CARMIL1: variants seen among roughly 807,000 people sequenced by gnomAD.
CARMIL1 encodes the protein F-actin-uncapping protein LRRC16A.
A neutral mutation model predicts 177.1 loss-of-function variants in CARMIL1; 90 were observed. The ratio of observed to expected loss-of-function variants is 0.51; its 90% CI spans 0.43 to 0.61. The LOEUF is 0.61. Ranked by LOEUF, CARMIL1 falls within the 20% of genes least tolerant of loss-of-function variation. CARMIL1 has a pLI of 0.00. For synonymous variants in CARMIL1, 577 were observed against 606.2 expected (o/e 0.95, Z 0.71); for missense variants, 1,380 against 1,667.0 (o/e 0.83, Z 3.00).
intron 2 of CARMIL1, among the ~76,000 whole-genome samples, chr6:25,361,876 G>A (rs1353803573): frequency 6.6e-6 from 1 of 151,868 alleles, no homozygotes; most frequent in Non-Finnish European, 1.5e-5. Context: ...GAAGGCCCTC[G>A]CCAGATGCAG....
intron 36 of CARMIL1, among the ~76,000 whole-genome samples, chr6:25,618,777 A>G (rs936221884): frequency 2.0e-5 from 3 of 152,244 alleles, no homozygotes; most frequent in Admixed American, 6.5e-5. Context: ...AGAGCAGGCA[A>G]CAATAATGGT....
chr6:25,480,654 T>A (rs1582095974), intron 11 of CARMIL1, among the ~76,000 whole-genome samples: 1 of 106,094 alleles, frequency 9.4e-6, no homozygotes, highest in African/African-American at 3.7e-5. Flanking sequence ...ATTTAAATTA[T>A]TTATATTTAA....
In CARMIL1 at chr6:25,473,096, C is replaced by A. The variant is rs921120641; in HGVS notation, c.874+575C>A. 2.0e-5 allele frequency among the ~76,000 whole-genome samples: 3 copies of A among 152,264 alleles called. No individual in the cohort carries two copies. The East Asian group carries it at 5.8e-4, about 29-fold the overall frequency. On this transcript the variant is annotated intron_variant, in intron 11 of 36. Coordinates refer to ENST00000329474, the MANE Select transcript of CARMIL1 (RefSeq NM_017640.6). ...CCTAGAATGGTTCTTGCCATGTGAC[C>A]CCCCTATCTCACAACACAGAAGTTT... is the stretch of plus-strand genomic sequence containing the variant.
intron 23 of CARMIL1, among the ~76,000 whole-genome samples, chr6:25,525,352 C>A (rs919310385): frequency 3.3e-5 from 5 of 152,064 alleles, no homozygotes; most frequent in Non-Finnish European, 7.4e-5. Context: ...ATGCAAAAAA[C>A]CCCCAGCAGC....
intron 11 of CARMIL1, among the ~76,000 whole-genome samples, chr6:25,474,012 C>G (rs1582074278): frequency 6.6e-6 from 1 of 152,130 alleles, no homozygotes; most frequent in East Asian, 1.9e-4. Context: ...TGGTTTATCT[C>G]TAGTGGGACT....
intron 9 of CARMIL1, among the ~76,000 whole-genome samples, chr6:25,466,807 A>G (rs1425662066): frequency 6.6e-6 from 1 of 152,174 alleles, no homozygotes; most frequent in African/African-American, 2.4e-5. Flanking sequence ...CATTATAAGT[A>G]TGAAAATGGA....
chr6:25,498,564 T>G (rs554589915), intron 16 of CARMIL1, among the ~76,000 whole-genome samples: 1 of 152,346 alleles, frequency 6.6e-6, no homozygotes, highest in Non-Finnish European at 1.5e-5. Context: ...TAGGAAGTAT[T>G]TTCCTTCCAT....
intron 2 of CARMIL1, among the ~76,000 whole-genome samples, chr6:25,402,588 G>A (rs904640540): frequency 1.1e-4 from 17 of 152,282 alleles, no homozygotes; most frequent in African/African-American, 4.1e-4. Flanking sequence ...ATGTTTTACT[G>A]TGTAGTGATT....
In CARMIL1 at chr6:25,577,110, C is replaced by A; in HGVS notation, c.2743-3814C>A. On this transcript the variant is annotated intron_variant, in intron 29 of 36. Coordinates refer to ENST00000329474, the MANE Select transcript of CARMIL1 (RefSeq NM_017640.6). The surrounding 1 kb of genome is among the most constrained non-coding windows in gnomAD (Gnocchi z 4.5). ...AGGAGACTGTAGTGTTGTCATCCAT[C>A]TGCAGATCCTGAATGAAATAGGCAA... 1.0e-6 allele frequency: 1 copy of A among 985,344 alleles called. No individual in the cohort carries two copies. Among genetic ancestry groups the A allele is most frequent in the Non-Finnish European group, 1.2e-6 (1 of 829,908 alleles). 61.0% of individuals were successfully genotyped at this position (985,344 alleles called of 1,614,324 possible).
intron 34 of CARMIL1, 43 bp from the exon 35 acceptor site, chr6:25,606,018 C>G (rs1815930686): frequency 1.3e-5 from 18 of 1,438,664 alleles, no homozygotes; most frequent in Non-Finnish European, 1.7e-5. Flanking sequence ...AAGTTATTGG[C>G]TTCTTTGACC....
chr6:25,447,812 G>T (rs1241895621), intron 5 of CARMIL1, among the ~76,000 whole-genome samples: 1 of 151,982 alleles, frequency 6.6e-6, no homozygotes, highest in African/African-American at 2.4e-5. Context: ...GGGTGGCTTG[G>T]CTTTCTCTTC....
chr6:25,304,436 TG>T (rs1238346656), intron 2 of CARMIL1, among the ~76,000 whole-genome samples: 2 of 152,012 alleles, frequency 1.3e-5, no homozygotes, highest in East Asian at 3.9e-4. Flanking sequence ...ACAGACCGAG[TG>T]GGTAGGGGGA....
chr6:25,539,440 T>G (rs574015165), intron 25 of CARMIL1, among the ~76,000 whole-genome samples: 2 of 151,960 alleles, frequency 1.3e-5, no homozygotes, highest in South Asian at 2.1e-4. Flanking sequence ...GCAGCTCAAC[T>G]TTCATACCCC....
intron 15 of CARMIL1, among the ~76,000 whole-genome samples, chr6:25,494,403 C>G (rs1364903497): frequency 2.0e-5 from 3 of 152,158 alleles, no homozygotes; most frequent in African/African-American, 7.2e-5. Flanking sequence ...ATCTTGGACT[C>G]CTGAATCCTG....
At chr6:25,411,661 A>G (rs1309897333) in intron 2 of CARMIL1, among the ~76,000 whole-genome samples, 1 of 152,178 alleles carries the variant, frequency 6.6e-6, no homozygotes, top group Non-Finnish European at 1.5e-5. Context: ...GCTGTATGTA[A>G]ACATTCCATT....
rs35230144 is a variant in CARMIL1, at chr6:25,515,785, C to T, written c.1743C>T (p.Asn581=). 1.5e-5 allele frequency: 24 copies of T among 1,611,948 alleles called. No individual in the cohort carries two copies. Among genetic ancestry groups the T allele is most frequent in the African/African-American group, 1.5e-4 (11 of 74,964 alleles). The change falls in exon 21 of 37, where the codon AAC becomes AAT. Residue 581 remains asparagine (N), a synonymous_variant. Coordinates refer to ENST00000329474, the MANE Select transcript of CARMIL1 (RefSeq NM_017640.6). This position sits in a 1 kb window ranked among gnomAD's most constrained non-coding sequence, Gnocchi z 5.0. ...TGACCAAAGTGGACATTAGCGGCAA[C>T]GGAATGGGGGACATGGGAGCGAAGA... The part of the protein sequence containing the change: ...TSLTKVDISG[N]GMGDMGAKML...
intron 2 of CARMIL1, among the ~76,000 whole-genome samples, chr6:25,340,148 TAA>T (rs1166338805): frequency 1.3e-5 from 2 of 151,986 alleles, no homozygotes; most frequent in Non-Finnish European, 2.9e-5. Flanking sequence ...TAAATAGAAC[TAA>T]AAGAGAAATT....
intron 26 of CARMIL1, among the ~76,000 whole-genome samples, chr6:25,544,832 A>G (rs1051369608): frequency 2.6e-5 from 4 of 152,214 alleles, no homozygotes; most frequent in African/African-American, 9.6e-5. Context: ...AAGTGAGTGT[A>G]TAAGTTAGTA....
chr6:25,509,771 A>G lies in CARMIL1; in HGVS notation c.1477+34A>G. 2.1e-6 allele frequency: 3 copies of G among 1,409,636 alleles called. No homozygotes were observed. Among genetic ancestry groups the G allele is most frequent in the Non-Finnish European group, 2.9e-6 (3 of 1,018,876 alleles). 87.3% of individuals were successfully genotyped at this position (1,409,636 alleles called of 1,614,324 possible). A position where few individuals can be genotyped will look rare whatever the true frequency, so the allele number is the denominator to read the frequency against. ...GATATTGAAAAGAAATGAAACTGAA[A>G]TATTTTTTGAAGCAAGTTAATAAGG... On this transcript the variant is annotated intron_variant, in intron 18 of 36. Coordinates refer to ENST00000329474, the MANE Select transcript of CARMIL1 (RefSeq NM_017640.6). This position sits in a 1 kb window ranked among gnomAD's most constrained non-coding sequence, Gnocchi z 4.1.
Sources: gnomAD v4.1 joint callset for allele counts (sites outside exome capture counted in the v4.1 genomes callset) on GRCh38, gnomAD v4.1.1 for gene constraint, Gnocchi (gnomAD v3.1) non-coding constraint, MANE v1.5 for transcripts, NCBI Gene and HGNC (gene_info 2026-07-23, HGNC 2026-07-21) for gene names.